The following PACS2 variants were observed in gnomAD, a reference collection of about 807,000 sequenced individuals.
The protein encoded by PACS2 is phosphofurin acidic cluster sorting protein 2.
A neutral mutation model predicts 113.0 loss-of-function variants in PACS2; 36 were observed. That is an observed-to-expected ratio of 0.32 (90% CI 0.24 to 0.42). The LOEUF (loss-of-function observed/expected upper bound fraction) is 0.42, where lower values mean the gene tolerates loss of function less well. Among genes scored for constraint, PACS2 ranks in the 10% least tolerant of loss-of-function variants. PACS2 has a pLI of 1.00. For synonymous variants in PACS2, 589 were observed against 536.1 expected, an observed-to-expected ratio of 1.10 and a Z score of -1.36; for missense variants, 1,015 against 1,239.5, an observed-to-expected ratio of 0.82 and a Z score of 2.72.
At chr14:105,305,273 G>A (rs890519397) in intron 1 of PACS2, among the ~76,000 whole-genome samples, 1 of 152,076 alleles carries the variant, frequency 6.6e-6, no homozygotes, top group Non-Finnish European at 1.5e-5. Context: ...GTGGTAGCAT[G>A]TGTCTGTAGT....
Position 105,393,343 on chromosome 14 carries a change from C to T in PACS2, c.2596+8C>T. 6.3e-7 allele frequency: 1 copy of T among 1,593,722 alleles called. No individual in the cohort carries two copies. Among genetic ancestry groups the T allele is most frequent in the Non-Finnish European group, 8.6e-7 (1 of 1,166,568 alleles). The stretch of plus-strand genomic sequence containing the variant: ...AGCAGAACATGCTGCGGGGTGAGCA[C>T]CACCGGCCCCGGGGTCTGTAGAGTG... On this transcript the variant is annotated splice_region_variant and intron_variant, in intron 24 of 24. Coordinates refer to ENST00000447393, the MANE Select transcript of PACS2 (RefSeq NM_001100913.3).
chr14:105,380,358 C>T (rs587696578), intron 11 of PACS2, among the ~76,000 whole-genome samples: 36 of 151,580 alleles, frequency 2.4e-4, no homozygotes, highest in Non-Finnish European at 2.8e-4. Context: ...AGGGTCAGGG[C>T]GCCCTGGACT....
intron 1 of PACS2, among the ~76,000 whole-genome samples, chr14:105,334,966 TACACCTGC>T (rs587749091): frequency 1.5e-3 from 233 of 152,342 alleles, no homozygotes; most frequent in African/African-American, 5.1e-3. Flanking sequence ...AGGCACACTG[TACACCTGC>T]ACACCTGTGC....
chr14:105,384,290 G>A (rs587656890), intron 16 of PACS2, 63 bp from the exon 17 acceptor site: 21 of 977,054 alleles, frequency 2.1e-5, no homozygotes, highest in Middle Eastern at 4.2e-4. Flanking sequence ...CTTTTGTGCC[G>A]CGGTGGGAGC....
chr14:105,374,145 ACT>A (rs1440911923), intron 8 of PACS2, among the ~76,000 whole-genome samples: 6 of 147,164 alleles, frequency 4.1e-5, no homozygotes, highest in Non-Finnish European at 8.9e-5. Flanking sequence ...ACACAGCGAG[ACT>A]CTGTCTCAAA....
intron 1 of PACS2, among the ~76,000 whole-genome samples, chr14:105,305,532 C>G (rs1266870230): frequency 1.3e-5 from 2 of 152,206 alleles, no homozygotes; most frequent in African/African-American, 2.4e-5. Context: ...GACACGGCAT[C>G]TGCCAGCACC....
At chr14:105,304,912 A>G (rs587680008) in intron 1 of PACS2, among the ~76,000 whole-genome samples, 3 of 152,334 alleles carry the variant, frequency 2.0e-5, no homozygotes, top group South Asian at 4.2e-4. Flanking sequence ...ATTCCCTCCC[A>G]CCAGGTCCCT....
intron 1 of PACS2, among the ~76,000 whole-genome samples, chr14:105,322,418 C>T (rs913491513): frequency 2.0e-5 from 3 of 150,552 alleles, no homozygotes; most frequent in South Asian, 4.2e-4. Flanking sequence ...TGCGCGCCAC[C>T]GCACCCGGCT....
chr14:105,343,774 C>T (rs1184831348), intron 1 of PACS2, among the ~76,000 whole-genome samples: 2 of 151,724 alleles, frequency 1.3e-5, no homozygotes, highest in African/African-American at 4.8e-5. Context: ...CAGCTCACTG[C>T]AACCTTTACC....
chr14:105,349,420 C>T lies in PACS2; in HGVS notation c.207+840C>T, dbSNP rs587686076. 9.8e-5 allele frequency among the ~76,000 whole-genome samples: 15 copies of T among 152,354 alleles called. No homozygotes were observed. In the South Asian group the frequency reaches 2.7e-3, roughly 27 times the overall value. Reference sequence around the variant, plus strand: ...TCCTGACCCCAGCCCATCAGCTCCTCGAGGATGGGGCCCTGCCCTTGGAGC... The same window carrying T: ...TCCTGACCCCAGCCCATCAGCTCCTTGAGGATGGGGCCCTGCCCTTGGAGC... On this transcript the variant is annotated intron_variant, in intron 2 of 24. Transcript: ENST00000447393.
In PACS2 at chr14:105,324,878, A is replaced by T. The variant is rs2059038063; in HGVS notation, c.119+9841A>T. 6.6e-6 allele frequency among the ~76,000 whole-genome samples: 1 copy of T among 152,106 alleles called. No individual in the cohort carries two copies. The highest frequency in any genetic ancestry group is 1.5e-5 in the Non-Finnish European group (1 of 67,988). ...TCCCCTGGGGTGCAGATGCCGCTCA[A>T]CAGAGGAGTCAGGACCCAAAAGGGG... On this transcript the variant is annotated intron_variant, in intron 1 of 24. Coordinates refer to ENST00000447393, the MANE Select transcript of PACS2 (RefSeq NM_001100913.3). The surrounding 1 kb of genome is among the most constrained non-coding windows in gnomAD (Gnocchi z 4.7).
intron 23 of PACS2, 147 bp from the exon 24 acceptor site, chr14:105,393,075 C>T: frequency 4.2e-6 from 3 of 722,682 alleles, no homozygotes; most frequent in Non-Finnish European, 4.8e-6. Context: ...GAGCAGCTGT[C>T]CTCAGTCACC....
chr14:105,371,888 C>G (rs1384741142), intron 8 of PACS2: 1 of 152,252 alleles, frequency 6.6e-6, no homozygotes, highest in Non-Finnish European at 1.5e-5. Context: ...GGCCCGTTTC[C>G]CATAGAGGGC....
chr14:105,304,752 G>A (rs2058133558), intron 1 of PACS2, among the ~76,000 whole-genome samples: 2 of 152,256 alleles, frequency 1.3e-5, no homozygotes, highest in South Asian at 2.1e-4. Flanking sequence ...ATGGAGGAAG[G>A]CAAGGAGGAG....
chr14:105,379,706 T>G (rs2141227169), intron 9 of PACS2, 33 bp from the exon 10 acceptor site: 1 of 1,569,012 alleles, frequency 6.4e-7, no homozygotes, highest in Admixed American at 1.7e-5. Flanking sequence ...TCCTGGAAAT[T>G]AACGTGTCCC....
intron 1 of PACS2, among the ~76,000 whole-genome samples, chr14:105,333,350 C>T (rs2059377830): frequency 2.0e-5 from 3 of 152,238 alleles, no homozygotes; most frequent in South Asian, 2.1e-4. Flanking sequence ...GAAGCTGCCC[C>T]GTTGCAGGCG....
At chr14:105,342,682 C>G (rs1489857925) in intron 1 of PACS2, among the ~76,000 whole-genome samples, 1 of 151,858 alleles carries the variant, frequency 6.6e-6, no homozygotes, top group African/African-American at 2.4e-5. Flanking sequence ...GCCTGTAATC[C>G]TAGCACTTCA....
At chr14:105,381,837 T>C in intron 12 of PACS2, 77 bp from the exon 13 acceptor site, 2 of 1,356,266 alleles carry the variant, frequency 1.5e-6, no homozygotes, top group Non-Finnish European at 2.0e-6. Context: ...TGTAGGCCAC[T>C]GCAGGCCTGC....
rs781842344 is a variant in PACS2 at position 105,393,360 on chromosome 14, TGTAGAGTGGGAC to T, written c.2596+30_2596+41del. On this transcript the variant is annotated intron_variant, in intron 24 of 24. Transcript: ENST00000447393. ...GGTGAGCACCACCGGCCCCGGGGTCTGTAGAGTGGGACGTAGGTGAGAGCACAGCAAGGCTGC... is the reference window on the plus strand; with the variant it reads ...GGTGAGCACCACCGGCCCCGGGGTCTGTAGGTGAGAGCACAGCAAGGCTGC... The T allele has an allele frequency of 9.8e-6, 15 of 1,524,070 alleles. No individual in the cohort carries two copies. The South Asian group carries it at 1.7e-4, about 17-fold the overall frequency. The allele number at this position is 1,524,070 out of a possible 1,614,324, so 94.4% of individuals were successfully genotyped here. A position where few individuals can be genotyped will look rare whatever the true frequency, so the allele number is the denominator to read the frequency against.
Sources: gnomAD v4.1 joint callset for allele counts (sites outside exome capture counted in the v4.1 genomes callset) on GRCh38, gnomAD v4.1.1 for gene constraint, Gnocchi (gnomAD v3.1) non-coding constraint, MANE v1.5 for transcripts, NCBI Gene and HGNC (gene_info 2026-07-23, HGNC 2026-07-21) for gene names.